Variants in WDPCP observed in about 807,000 individuals in gnomAD.
WDPCP encodes the protein WD repeat containing planar cell polarity effector.
Under a neutral mutation model 93.1 loss-of-function variants are expected in WDPCP, and 71 were observed. The observed-to-expected ratio is 0.76, with a 90% CI of 0.63 to 0.93. The LOEUF (loss-of-function observed/expected upper bound fraction) is 0.93. Ranked by LOEUF, WDPCP falls within the 40% of genes least tolerant of loss-of-function variation. The pLI is 0.00. For missense variants in WDPCP, 844 were observed against 887.4 expected (o/e 0.95, Z 0.62); for synonymous variants, 315 against 315.0 (o/e 1.00, Z 0.00).
intron 2 of WDPCP, among the ~76,000 whole-genome samples, chr2:63,805,506 G>A (rs1309537030): frequency 6.6e-6 from 1 of 152,114 alleles, no homozygotes; most frequent in Non-Finnish European, 1.5e-5. Flanking sequence ...GAACATTTAT[G>A]TGCTTATATG....
At position 63,465,171 on chromosome 2, in the gene WDPCP, T is replaced by C. The variant is rs181348978; in HGVS notation, c.384+19433A>G. 1.1e-3 allele frequency among the ~76,000 whole-genome samples: 164 copies of C among 152,144 alleles called. 1 individual carries two copies. In the Middle Eastern group the frequency reaches 0.017, roughly 16 times the overall value. On this transcript the variant is annotated intron_variant, in intron 6 of 17. Coordinates refer to ENST00000272321, the MANE Select transcript of WDPCP (RefSeq NM_015910.7). ...TTTATTTATTTATTTAAAAAGCAGG[T>C]ACCTGTGCCAGACACTGTGCTAAGT...
chr2:63,508,527 C>T (rs938557066), intron 1 of WDPCP, among the ~76,000 whole-genome samples: 2 of 152,124 alleles, frequency 1.3e-5, no homozygotes, highest in African/African-American at 4.8e-5. Context: ...ACTGCATCAA[C>T]TAATGGGCAA....
At chr2:63,560,405 A>G (rs1008315421) in intron 1 of WDPCP, among the ~76,000 whole-genome samples, 1 of 152,188 alleles carries the variant, frequency 6.6e-6, no homozygotes, top group Non-Finnish European at 1.5e-5. Flanking sequence ...CACATAGATC[A>G]ATGCAACAGA....
At chr2:63,788,338 G>A (rs1453166676) in intron 2 of WDPCP, among the ~76,000 whole-genome samples, 1 of 152,132 alleles carries the variant, frequency 6.6e-6, no homozygotes, top group Non-Finnish European at 1.5e-5. Flanking sequence ...TTCCAATAGG[G>A]AGTCTACTCA....
chr2:63,358,472 T>C (rs955172303), intron 12 of WDPCP, among the ~76,000 whole-genome samples: 1 of 152,172 alleles, frequency 6.6e-6, no homozygotes, highest in East Asian at 1.9e-4. Flanking sequence ...CAAAGATCTC[T>C]TACTCTTTGG....
intron 6 of WDPCP, among the ~76,000 whole-genome samples, chr2:63,476,551 G>C (rs1269693582): frequency 6.6e-6 from 1 of 152,008 alleles, no homozygotes; most frequent in African/African-American, 2.4e-5. Flanking sequence ...CATACAATTT[G>C]GCACTCATTA....
chr2:63,510,799 T>A (rs951357341), intron 1 of WDPCP, among the ~76,000 whole-genome samples: 1 of 152,026 alleles, frequency 6.6e-6, no homozygotes, highest in Non-Finnish European at 1.5e-5. Flanking sequence ...TGGCAAACCC[T>A]GTCTCTACTA....
chr2:63,346,848 A>G (rs77240280), intron 12 of WDPCP, among the ~76,000 whole-genome samples: 1 of 152,216 alleles, frequency 6.6e-6, no homozygotes, highest in Non-Finnish European at 1.5e-5. Flanking sequence ...AGTGCCTCTC[A>G]TCATAAAACC....
intron 14 of WDPCP, among the ~76,000 whole-genome samples, chr2:63,186,973 C>G (rs1574829334): frequency 6.6e-6 from 1 of 152,260 alleles, no homozygotes; most frequent in East Asian, 1.9e-4. Flanking sequence ...AAATCTCCTA[C>G]TATTACTGTG....
intron 1 of WDPCP, among the ~76,000 whole-genome samples, chr2:63,822,617 G>A (rs1671039625): frequency 6.6e-6 from 1 of 152,082 alleles, no homozygotes; most frequent in African/African-American, 2.4e-5. Context: ...TGAGCACAGT[G>A]GCTCACACCT....
chr2:63,210,888 G>A (rs1676728300), intron 14 of WDPCP, among the ~76,000 whole-genome samples: 1 of 152,224 alleles, frequency 6.6e-6, no homozygotes, highest in African/African-American at 2.4e-5. Context: ...CAAACTGCAA[G>A]GGGGCAGCAA....
chr2:63,835,265 C>G, the WDPCP span, among the ~76,000 whole-genome samples: 1 of 151,638 alleles, frequency 6.6e-6, no homozygotes, highest in Non-Finnish European at 1.5e-5. Context: ...TGGCAGGCCC[C>G]TGTAATCCCA....
Position 63,607,461 on chromosome 2 carries a change from G to A in WDPCP, n.488+43198C>T, listed in dbSNP as rs927596579. Among the ~76,000 whole-genome samples, 4 of 151,316 alleles carry A rather than the reference G, an allele frequency of 2.6e-5. No individual in the cohort carries two copies. The South Asian group carries it at 6.3e-4, about 24-fold the overall frequency. On this transcript the variant is annotated intron_variant and non_coding_transcript_variant, in intron 3 of 4. Coordinates refer to the WDPCP transcript ENST00000467687. ...ATGAGGTAGGAGAATAGGTTGTCCC[G>A]GGGGGCGGAAGTTGCAGTGAGCCAA...
intron 2 of WDPCP, among the ~76,000 whole-genome samples, chr2:63,730,588 C>G (rs1038617489): frequency 1.3e-5 from 2 of 152,058 alleles, no homozygotes; most frequent in Non-Finnish European, 2.9e-5. Flanking sequence ...CTTAGCCTCC[C>G]GAGTAGCTGG....
At chr2:63,193,063 C>T (rs1438612248) in intron 14 of WDPCP, among the ~76,000 whole-genome samples, 1 of 152,132 alleles carries the variant, frequency 6.6e-6, no homozygotes, top group Non-Finnish European at 1.5e-5. Flanking sequence ...CATTTGGTGA[C>T]TTCTTTATGT....
At position 63,439,635 on chromosome 2, in the gene WDPCP, A is replaced by G. The variant is rs145443606; in HGVS notation, c.499+122T>C. The G allele has an allele frequency of 3.7e-6, 3 of 812,232 alleles. No individual in the cohort carries two copies. In the East Asian group the frequency reaches 7.4e-5, roughly 20 times the overall value. 50.3% of individuals were successfully genotyped at this position (812,232 alleles called of 1,614,324 possible). On this transcript the variant is annotated intron_variant, in intron 7 of 17. Transcript: ENST00000272321. ...TCCCAGGGGGTGTAAGTACGCTATT[A>G]CAAGCAATTACTTGTTGTGTTTGCA...
chr2:63,491,996 G>T (rs1700906797), intron 2 of WDPCP, among the ~76,000 whole-genome samples: 2 of 152,094 alleles, frequency 1.3e-5, no homozygotes, highest in Admixed American at 6.5e-5. Flanking sequence ...TGGCATCTTA[G>T]AAGAGTTTTA....
intron 8 of WDPCP, among the ~76,000 whole-genome samples, chr2:63,434,951 C>T (rs1031345553): frequency 1.3e-5 from 2 of 152,050 alleles, no homozygotes; most frequent in African/African-American, 4.8e-5. Flanking sequence ...TGTGATCTCA[C>T]CACTCAACCA....
intron 12 of WDPCP, among the ~76,000 whole-genome samples, chr2:63,331,972 G>A (rs1209491362): frequency 6.6e-6 from 1 of 151,674 alleles, no homozygotes; most frequent in East Asian, 1.9e-4. Context: ...TTACCAACTG[G>A]TGGTCATTTG....
Sources: gnomAD v4.1 joint callset for allele counts (sites outside exome capture counted in the v4.1 genomes callset) on GRCh38, gnomAD v4.1.1 for gene constraint, MANE v1.5 for transcripts, NCBI Gene and HGNC (gene_info 2026-07-23, HGNC 2026-07-21) for gene names.